The following ACER2 variants were observed in gnomAD, a reference collection of about 807,000 sequenced individuals.
ACER2 encodes the protein alkaline ceramidase 2.
Under a neutral mutation model 34.7 loss-of-function variants are expected in ACER2, and 26 were observed. The observed-to-expected ratio is 0.75, with a 90% CI of 0.55 to 1.04. ACER2 has a LOEUF of 1.04. Ranked by LOEUF, ACER2 falls within the 50% of genes least tolerant of loss-of-function variation. The pLI is 0.00. For missense variants in ACER2, 352 were observed against 340.8 expected, an observed-to-expected ratio of 1.03 and a Z score of -0.26; for synonymous variants, 138 against 132.1, an observed-to-expected ratio of 1.04 and a Z score of -0.31.
At chr9:19,409,298 C>A in intron 1 of ACER2, 106 bp downstream of exon 1, 3 of 1,109,876 alleles carry the variant, frequency 2.7e-6, no homozygotes, top group Non-Finnish European at 3.9e-6. Context: ...CATCTGGGGG[C>A]ATTCTCTCCA....
At chr9:19,446,137 G>C (rs752345989) in intron 4 of ACER2, 144 bp from the exon 5 acceptor site, 1 of 1,132,586 alleles carries the variant, frequency 8.8e-7, no homozygotes, top group East Asian at 2.3e-5. Flanking sequence ...ATGAGACTGT[G>C]GAGTGACTGT....
At chr9:19,423,062 C>G (rs904334453) in intron 1 of ACER2, among the ~76,000 whole-genome samples, 1 of 150,438 alleles carries the variant, frequency 6.6e-6, no homozygotes, top group African/African-American at 2.4e-5. Flanking sequence ...GTAAATGGAG[C>G]CAGGCATGGT....
At chr9:19,428,526 A>C (rs1830651369) in intron 3 of ACER2, among the ~76,000 whole-genome samples, 1 of 152,074 alleles carries the variant, frequency 6.6e-6, no homozygotes, top group Admixed American at 6.6e-5. Flanking sequence ...TTTTTGGAGA[A>C]GAGACAGGAG....
intron 4 of ACER2, among the ~76,000 whole-genome samples, chr9:19,440,757 A>G (rs1831128793): frequency 6.6e-6 from 1 of 152,122 alleles, no homozygotes; most frequent in Non-Finnish European, 1.5e-5. Context: ...ATTCCTCTAC[A>G]TATGTGGATG....
chr9:19,423,430 G>A (rs2132475775), intron 1 of ACER2, among the ~76,000 whole-genome samples: 1 of 152,312 alleles, frequency 6.6e-6, no homozygotes, highest in Non-Finnish European at 1.5e-5. Flanking sequence ...GCTGGGTGTG[G>A]TGGCTTATGC....
chr9:19,410,622 A>G (rs1830060134), intron 1 of ACER2, among the ~76,000 whole-genome samples: 1 of 152,140 alleles, frequency 6.6e-6, no homozygotes, highest in Non-Finnish European at 1.5e-5. Flanking sequence ...AGGTGGGAGG[A>G]TCACCTGAGC....
At chr9:19,433,058 T>C (rs1830809078) in intron 3 of ACER2, among the ~76,000 whole-genome samples, 1 of 151,854 alleles carries the variant, frequency 6.6e-6, no homozygotes, top group African/African-American at 2.4e-5. Context: ...AATTTTACCA[T>C]TCTCATGGCC....
At chr9:19,437,388 C>T (rs537059846) in intron 4 of ACER2, among the ~76,000 whole-genome samples, 1 of 152,316 alleles carries the variant, frequency 6.6e-6, no homozygotes, top group East Asian at 1.9e-4. Context: ...TCTCCTGCCA[C>T]CTCAGGTGAT....
At chr9:19,435,619 G>A (rs1162632928) in intron 4 of ACER2, among the ~76,000 whole-genome samples, 1 of 152,172 alleles carries the variant, frequency 6.6e-6, no homozygotes, top group Non-Finnish European at 1.5e-5. Context: ...GGGCATGGTG[G>A]TGGGCACCTG....
Position 19,452,322 on chromosome 9 carries a change from C to G in ACER2, c.*1686C>G, listed in dbSNP as rs1247655879. ...ACTCTAGTTAGAATTTGTACCAGAT[C>G]CAAGGTGAAAACCCCAATAAGCAAC... On this transcript the variant is annotated 3_prime_UTR_variant, in exon 6 of 6. Transcript: ENST00000340967. Among the ~76,000 whole-genome samples, 1 of 152,070 alleles carries G rather than the reference C, an allele frequency of 6.6e-6. No individual in the cohort carries two copies. Among genetic ancestry groups the G allele is most frequent in the Non-Finnish European group, 1.5e-5 (1 of 68,000 alleles).
intron 3 of ACER2, among the ~76,000 whole-genome samples, chr9:19,434,045 C>T (rs1830858697): frequency 6.7e-6 from 1 of 148,228 alleles, no homozygotes; most frequent in Non-Finnish European, 1.5e-5. Context: ...AGGGTCTCCT[C>T]ACTTCTCAGA....
At chr9:19,417,020 C>T (rs187119767) in intron 1 of ACER2, among the ~76,000 whole-genome samples, 160 of 152,216 alleles carry the variant, frequency 1.1e-3, no homozygotes, top group African/African-American at 3.7e-3. Context: ...ATAAGCATCT[C>T]CAGCAAAGTC....
chr9:19,426,283 T>G (rs1381061730), intron 3 of ACER2, among the ~76,000 whole-genome samples: 1 of 151,566 alleles, frequency 6.6e-6, no homozygotes, highest in Non-Finnish European at 1.5e-5. Flanking sequence ...TCTCTTTCTT[T>G]CTTTCTTTTT....
chr9:19,446,410 C>T lies in ACER2; in HGVS notation c.633C>T (p.His211=). ...LLSSFNFPYL[H]CMWHILICLA... is the part of the protein sequence containing the mutation. The stretch of plus-strand genomic sequence containing the variant: ...CATCCTTCAACTTCCCCTACCTGCA[C>T]TGCATGTGGTAAGCCCCTGCTAATG... The change falls in exon 5 of 6, where the codon CAC becomes CAT. Residue 211 remains histidine (H), a synonymous_variant. Transcript: ENST00000340967. 1.9e-6 allele frequency: 3 copies of T among 1,614,184 alleles called. No homozygotes were observed. Among genetic ancestry groups the T allele is most frequent in the African/African-American group, 1.3e-5 (1 of 75,042 alleles).
chr9:19,436,613 G>C (rs759233841), intron 4 of ACER2, among the ~76,000 whole-genome samples: 15 of 151,898 alleles, frequency 9.9e-5, no homozygotes, highest in South Asian at 6.2e-4. Context: ...TCTGAAATTT[G>C]ACTTTCTCAC....
chr9:19,448,847 A>G (rs1831465439), intron 5 of ACER2, among the ~76,000 whole-genome samples: 1 of 152,078 alleles, frequency 6.6e-6, no homozygotes, highest in Non-Finnish European at 1.5e-5. Context: ...TCTATTTTTA[A>G]AAGTTCATAT....
chr9:19,426,314 TTC>T (rs1398154628), intron 3 of ACER2, among the ~76,000 whole-genome samples: 7 of 150,464 alleles, frequency 4.7e-5, no homozygotes, highest in African/African-American at 1.5e-4. Context: ...TTCTCTTTCT[TTC>T]TTTCTTTTTC....
intron 5 of ACER2, among the ~76,000 whole-genome samples, chr9:19,447,674 CTGT>C (rs1303555639): frequency 2.0e-5 from 3 of 152,108 alleles, no homozygotes; most frequent in African/African-American, 7.2e-5. Context: ...TCTAAGTCCC[CTGT>C]CACACATGAT....
chr9:19,440,381 T>G (rs920324343), intron 4 of ACER2, among the ~76,000 whole-genome samples: 1 of 152,204 alleles, frequency 6.6e-6, no homozygotes, highest in Admixed American at 6.5e-5. Flanking sequence ...AAATACTAAT[T>G]AATAAGGTGA....
Sources: allele counts gnomAD v4.1 joint callset (sites outside exome capture counted in the v4.1 genomes callset), GRCh38; gene constraint gnomAD v4.1.1; transcripts MANE v1.5; gene names NCBI Gene and HGNC (gene_info 2026-07-23, HGNC 2026-07-21).